FAM81A: variants seen among roughly 807,000 people sequenced by gnomAD.
FAM81A encodes protein FAM81A.
In FAM81A, 19 loss-of-function variants were observed where a neutral mutation model predicts 46.7. The ratio of observed to expected loss-of-function variants is 0.41; its 90% CI spans 0.28 to 0.60. FAM81A has a LOEUF of 0.60. FAM81A is among the 20% of genes least tolerant of loss of function. FAM81A has a pLI of 0.34. For synonymous variants in FAM81A, 183 were observed against 152.9 expected (o/e 1.20, Z -1.45); for missense variants, 377 against 453.5 (o/e 0.83, Z 1.53).
chr15:59,430,789 TG>T (rs1208265663), intron 2 of FAM81A, among the ~76,000 whole-genome samples: 1 of 152,174 alleles, frequency 6.6e-6, no homozygotes, highest in African/African-American at 2.4e-5. Context: ...GGAAAAGAGA[TG>T]GTTTGAGTGT....
At chr15:59,483,949 G>C (rs1355162526) in intron 3 of FAM81A, among the ~76,000 whole-genome samples, 1 of 152,200 alleles carries the variant, frequency 6.6e-6, no homozygotes, top group Non-Finnish European at 1.5e-5. Context: ...AGCTGGGAGA[G>C]CTGAGGGAAT....
intron 2 of FAM81A, among the ~76,000 whole-genome samples, chr15:59,417,141 G>C (rs1414692209): frequency 6.6e-6 from 1 of 152,056 alleles, no homozygotes; most frequent in Non-Finnish European, 1.5e-5. Flanking sequence ...AACAAAATGA[G>C]GGATGCTATA....
chr15:59,422,952 T>C (rs1421775773), intron 2 of FAM81A, among the ~76,000 whole-genome samples: 10 of 152,362 alleles, frequency 6.6e-5, no homozygotes, highest in Middle Eastern at 3.4e-3. Context: ...ACTTTGCTTT[T>C]TTATTTGCCT....
At chr15:59,491,939 C>G (rs1384327625) in intron 3 of FAM81A, among the ~76,000 whole-genome samples, 1 of 151,014 alleles carries the variant, frequency 6.6e-6, no homozygotes, top group African/African-American at 2.4e-5. Context: ...GCACTCCAGC[C>G]TGGGCAACAG....
intron 3 of FAM81A, 75 bp from the exon 4 acceptor site, chr15:59,492,196 C>A: frequency 9.1e-7 from 1 of 1,103,886 alleles, no homozygotes; most frequent in Non-Finnish European, 1.3e-6. Flanking sequence ...CTTATTTTTG[C>A]CAAAAGTATA....
chr15:59,519,171 C>T (rs1323532786), intron 8 of FAM81A, among the ~76,000 whole-genome samples: 1 of 151,852 alleles, frequency 6.6e-6, no homozygotes. Flanking sequence ...ATTTTATTCT[C>T]TATGTTTTTG....
chr15:59,421,923 CATCT>C (rs1340268614), intron 2 of FAM81A, among the ~76,000 whole-genome samples: 2 of 144,708 alleles, frequency 1.4e-5, no homozygotes, highest in Non-Finnish European at 3.1e-5. Flanking sequence ...ATCTATCTAT[CATCT>C]GTCACCTATT....
chr15:59,479,697 G>A (rs999066309), intron 3 of FAM81A, among the ~76,000 whole-genome samples: 3 of 151,974 alleles, frequency 2.0e-5, no homozygotes, highest in Non-Finnish European at 2.9e-5. Flanking sequence ...AGGAAGAGGC[G>A]TGGCACGTTT....
chr15:59,479,541 AAGGAT>A, intron 3 of FAM81A, among the ~76,000 whole-genome samples: 1 of 122,132 alleles, frequency 8.2e-6, no homozygotes, highest in African/African-American at 2.9e-5. Flanking sequence ...AAAAAAAAAA[AAGGAT>A]GGTAAGGGAA....
chr15:59,477,635 T>A (rs773999171), intron 3 of FAM81A, among the ~76,000 whole-genome samples: 8 of 152,230 alleles, frequency 5.3e-5, no homozygotes, highest in Non-Finnish European at 1.2e-4. Flanking sequence ...AGTCTTAATA[T>A]TTCTATTTTC....
intron 2 of FAM81A, among the ~76,000 whole-genome samples, chr15:59,421,884 T>TATCC (rs1555426030): frequency 1.1e-5 from 1 of 88,746 alleles, no homozygotes; most frequent in Non-Finnish European, 2.7e-5. Context: ...TCTATCTATC[T>TATCC]ATCTATCTAT....
chr15:59,421,243 G>T (rs1347062170), intron 2 of FAM81A, among the ~76,000 whole-genome samples: 1 of 152,204 alleles, frequency 6.6e-6, no homozygotes, highest in African/African-American at 2.4e-5. Flanking sequence ...AATGTTCTAG[G>T]TAGAATTGGA....
intron 2 of FAM81A, among the ~76,000 whole-genome samples, chr15:59,418,391 C>T (rs1246378720): frequency 1.3e-5 from 2 of 152,196 alleles, no homozygotes; most frequent in African/African-American, 4.8e-5. Context: ...ATAACCCTGC[C>T]TTTTCCTGTT....
intron 1 of FAM81A, among the ~76,000 whole-genome samples, chr15:59,455,519 C>T (rs1481096848): frequency 6.6e-6 from 1 of 152,160 alleles, no homozygotes; most frequent in African/African-American, 2.4e-5. Flanking sequence ...TATTCATTAT[C>T]AATCTTTATT....
At chr15:59,506,602 G>T (rs553857030) in intron 4 of FAM81A, among the ~76,000 whole-genome samples, 1 of 152,238 alleles carries the variant, frequency 6.6e-6, no homozygotes, top group South Asian at 2.1e-4. Context: ...ACTCTTATGG[G>T]TCCATTCTGT....
At chr15:59,489,296 TACATACATACATACATATATAC>T (rs1567066560) in intron 3 of FAM81A, among the ~76,000 whole-genome samples, 3 of 150,664 alleles carry the variant, frequency 2.0e-5, no homozygotes, top group African/African-American at 7.3e-5. Flanking sequence ...CATACATACA[TACATACATACATACATATATAC>T]ATACATACAT....
chr15:59,465,699 T>A (rs1251503352), intron 3 of FAM81A, among the ~76,000 whole-genome samples: 1 of 152,218 alleles, frequency 6.6e-6, no homozygotes, highest in East Asian at 1.9e-4. Flanking sequence ...CTTTTCTTTT[T>A]TCTTTTTAAA....
intron 2 of FAM81A, among the ~76,000 whole-genome samples, chr15:59,431,047 T>C (rs1443136348): frequency 6.6e-6 from 1 of 152,196 alleles, no homozygotes; most frequent in Admixed American, 6.5e-5. Flanking sequence ...GCTCTTTATA[T>C]GAATTGGTGC....
rs191766526 is a variant in FAM81A, at chr15:59,475,513, C to T, written c.294+15307C>T. On this transcript the variant is annotated intron_variant, in intron 3 of 8. Transcript: ENST00000288228. ...CAGTGAGAAAGTAATTTCAATTTTG[C>T]TGTTTTCCCAACGTCCGAAACACAT... Among the ~76,000 whole-genome samples the T allele has an allele frequency of 1.1e-3, 165 of 152,304 alleles. No individual in the cohort carries two copies. The Middle Eastern group carries it at 0.017, about 16-fold the overall frequency.
Sources: allele counts gnomAD v4.1 joint callset (sites outside exome capture counted in the v4.1 genomes callset), GRCh38; gene constraint gnomAD v4.1.1; transcripts MANE v1.5; gene names NCBI Gene and HGNC (gene_info 2026-07-23, HGNC 2026-07-21).